The following POMK variants were observed in gnomAD, a reference collection of about 807,000 sequenced individuals.
The protein encoded by POMK is protein O-mannose kinase, also known as Sugen kinase 196.
In POMK, 19 loss-of-function variants were observed where a neutral mutation model predicts 23.0. The ratio of observed to expected loss-of-function variants is 0.83; its 90% confidence interval spans 0.58 to 1.21. POMK has a LOEUF of 1.21. Among genes scored for constraint, POMK ranks in the 50% most tolerant of loss-of-function variants. The pLI, the probability that POMK is intolerant of heterozygous loss-of-function variation, is 0.00. For missense variants in POMK, 410 were observed against 431.3 expected (o/e 0.95, Z 0.44); for synonymous variants, 173 against 171.6 (o/e 1.01, Z -0.06).
chr8:43,094,548 C>T (rs537697573), intron 1 of POMK, among the ~76,000 whole-genome samples: 2 of 152,170 alleles, frequency 1.3e-5, no homozygotes, highest in Non-Finnish European at 2.9e-5. Flanking sequence ...ATAATCTTGT[C>T]TTTGCCACCC....
rs149845778 is a variant in POMK, at chr8:43,103,658, G to A, written c.110G>A (p.Cys37Tyr). Residue 37 changes from cysteine to tyrosine, a missense_variant, in exon 4 of 5, where the codon TGC becomes TAC. Cys to Tyr is a radical substitution (Grantham distance 194). Transcript: ENST00000331373. Reference protein sequence around the residue: ...MALMNTLLYLCLDHFFIAPRQ... With the variant: ...MALMNTLLYLYLDHFFIAPRQ... ...CTGATGAATACTCTGCTCTACCTCT[G>A]CCTCGACCACTTCTTCATCGCTCCT... 1 of 1,613,856 alleles carries A rather than the reference G, an allele frequency of 6.2e-7. No individual in the cohort carries two copies.
rs188463870 is a variant in POMK, at chr8:43,113,404, G to A, written c.283-8703G>A. Among the ~76,000 whole-genome samples the A allele has an allele frequency of 1.5e-3, 228 of 151,896 alleles. 1 individual carries two copies. The highest frequency in any genetic ancestry group is 1.5e-3 in the Non-Finnish European group (105 of 67,988). The stretch of plus-strand genomic sequence containing the variant: ...ACCCTTTCTTCCAGTTGATTGCATC[G>A]ACTCCTGAGGCTTCTTCACTCTTCA... On this transcript the variant is annotated intron_variant, in intron 4 of 4. Coordinates refer to ENST00000331373, the MANE Select transcript of POMK (RefSeq NM_032237.5).
chr8:43,097,830 C>T (rs138922720), intron 2 of POMK, among the ~76,000 whole-genome samples: 236 of 152,154 alleles, frequency 1.6e-3, no homozygotes, highest in African/African-American at 5.4e-3. Context: ...AGAGGGAACC[C>T]TGGAGGAGGG....
intron 1 of POMK, among the ~76,000 whole-genome samples, chr8:43,095,495 A>G (rs1811315811): frequency 6.6e-6 from 1 of 152,154 alleles, no homozygotes; most frequent in African/African-American, 2.4e-5. Flanking sequence ...AGGTTTTCTG[A>G]GTAATGCTGA....
Position 43,122,943 on chromosome 8 carries a change from T to A in POMK, c.*66T>A, listed in dbSNP as rs980609461. ...TGGAAGTTACAGCATTCTACTCTGA[T>A]GGTGGAGTTTTTTGCCTGAGTTTCG... On this transcript the variant is annotated 3_prime_UTR_variant, in exon 5 of 5. Coordinates refer to ENST00000331373, the MANE Select transcript of POMK (RefSeq NM_032237.5). 7.0e-7 allele frequency: 1 copy of A among 1,432,874 alleles called. No homozygotes were observed. Among genetic ancestry groups the A allele is most frequent in the Non-Finnish European group, 9.4e-7 (1 of 1,068,068 alleles). The allele number at this position is 1,432,874 out of a possible 1,614,324, so 88.8% of individuals were successfully genotyped here.
intron 1 of POMK, among the ~76,000 whole-genome samples, chr8:43,096,546 C>T (rs1450658947): frequency 6.6e-6 from 1 of 151,748 alleles, no homozygotes; most frequent in Non-Finnish European, 1.5e-5. Flanking sequence ...GTAATCCCAG[C>T]TCTGTAATCC....
At chr8:43,117,346 A>G (rs59791313) in intron 4 of POMK, among the ~76,000 whole-genome samples, 2,039 of 152,348 alleles carry the variant, frequency 0.013, 41 homozygotes, top group African/African-American at 0.047. Context: ...AAATACATTT[A>G]CTGTTAATTA....
chr8:43,115,708 C>G (rs1563341090), intron 4 of POMK, among the ~76,000 whole-genome samples: 2 of 152,352 alleles, frequency 1.3e-5, no homozygotes, highest in South Asian at 2.1e-4. Context: ...GAACACAGCA[C>G]TCAGAATGCC....
At chr8:43,112,894 T>G (rs1306649403) in intron 4 of POMK, among the ~76,000 whole-genome samples, 1 of 152,192 alleles carries the variant, frequency 6.6e-6, no homozygotes, top group African/African-American at 2.4e-5. Flanking sequence ...AGGCCTGCCC[T>G]AAAAGAGCTC....
At chr8:43,106,123 C>T (rs941755838) in intron 4 of POMK, among the ~76,000 whole-genome samples, 1 of 152,124 alleles carries the variant, frequency 6.6e-6, no homozygotes, top group African/African-American at 2.4e-5. Context: ...AGAGTATAAG[C>T]GTTCCCATTT....
At chr8:43,110,052 C>G (rs1456841504) in intron 4 of POMK, among the ~76,000 whole-genome samples, 1 of 152,208 alleles carries the variant, frequency 6.6e-6, no homozygotes, top group African/African-American at 2.4e-5. Context: ...ACAACTTGTT[C>G]AAACCTTTAG....
At chr8:43,094,140 CT>C (rs1352223313) in intron 1 of POMK, among the ~76,000 whole-genome samples, 1 of 152,204 alleles carries the variant, frequency 6.6e-6, no homozygotes, top group African/African-American at 2.4e-5. Flanking sequence ...GTCGCCCAGG[CT>C]GGAGTGTAGT....
chr8:43,100,553 G>T (rs1166946262), intron 2 of POMK, among the ~76,000 whole-genome samples: 2 of 151,824 alleles, frequency 1.3e-5, no homozygotes, highest in Non-Finnish European at 2.9e-5. Context: ...AGAGAATGGG[G>T]TGCTTATGGA....
In POMK at chr8:43,114,882, TG is replaced by T. The variant is rs548600524; in HGVS notation, c.283-7221del. ...CTGCTCAAAGTCTGGAATGTAGATTTGGGGCAACAGGTATATTAAGAAGAAA... is the reference window on the plus strand; with the variant it reads ...CTGCTCAAAGTCTGGAATGTAGATTTGGGCAACAGGTATATTAAGAAGAAA... On this transcript the variant is annotated intron_variant, in intron 4 of 4. Coordinates refer to ENST00000331373, the MANE Select transcript of POMK (RefSeq NM_032237.5). Among the ~76,000 whole-genome samples the T allele has an allele frequency of 4.0e-3, 615 of 152,304 alleles. 2 individuals are homozygous for T. Among genetic ancestry groups the T allele is most frequent in the Non-Finnish European group, 5.2e-3 (357 of 68,030 alleles).
intron 3 of POMK, 144 bp from the exon 4 acceptor site, chr8:43,103,384 T>A: frequency 2.8e-6 from 2 of 720,620 alleles, no homozygotes; most frequent in Non-Finnish European, 4.7e-6. Context: ...GGGATAAGCC[T>A]GGTGTTCGAT....
At chr8:43,111,753 T>C (rs1305911791) in intron 4 of POMK, among the ~76,000 whole-genome samples, 1 of 152,202 alleles carries the variant, frequency 6.6e-6, no homozygotes, top group Non-Finnish European at 1.5e-5. Flanking sequence ...CAGCAGCATT[T>C]GCGGTTCACC....
chr8:43,109,667 C>T (rs1381174947), intron 4 of POMK, among the ~76,000 whole-genome samples: 3 of 152,044 alleles, frequency 2.0e-5, no homozygotes, highest in South Asian at 2.1e-4. Flanking sequence ...CTCAGCCTCC[C>T]GAGTAGCTGG....
intron 4 of POMK, among the ~76,000 whole-genome samples, chr8:43,118,571 T>C (rs1400470667): frequency 3.3e-5 from 5 of 152,238 alleles, no homozygotes; most frequent in East Asian, 1.9e-4. Flanking sequence ...AAAAGTCTTT[T>C]AGAAAATGAT....
At chr8:43,118,511 G>A (rs900344138) in intron 4 of POMK, among the ~76,000 whole-genome samples, 1 of 152,104 alleles carries the variant, frequency 6.6e-6, no homozygotes, top group East Asian at 1.9e-4. Context: ...AAGTGTTCAC[G>A]ATTAATTTTA....
Sources: gnomAD v4.1 joint callset for allele counts (sites outside exome capture counted in the v4.1 genomes callset) on GRCh38, gnomAD v4.1.1 for gene constraint, MANE v1.5 for transcripts, NCBI Gene and HGNC (gene_info 2026-07-23, HGNC 2026-07-21) for gene names.